CCP110: variants seen among roughly 807,000 people sequenced by gnomAD.
The protein encoded by CCP110 is centriolar coiled-coil protein of 110 kDa.
CCP110 carries 43 observed loss-of-function variants against 105.5 expected under a neutral mutation model. The observed-to-expected ratio is 0.41, with a 90% CI of 0.32 to 0.53. The LOEUF (loss-of-function observed/expected upper bound fraction) is 0.53, where lower values mean the gene tolerates loss of function less well. Among genes scored for constraint, CCP110 ranks in the 20% least tolerant of loss-of-function variants. CCP110 has a pLI of 0.32. For missense variants in CCP110, 1,016 were observed against 1,189.1 expected (o/e 0.85, Z 2.14); for synonymous variants, 353 against 392.1 (o/e 0.90, Z 1.18).
At chr16:19,539,515 G>A (rs1359243488) in intron 4 of CCP110, among the ~76,000 whole-genome samples, 1 of 151,030 alleles carries the variant, frequency 6.6e-6, no homozygotes, top group Non-Finnish European at 1.5e-5. Context: ...GCGCCACCAC[G>A]CCCAGCTGTT....
chr16:19,531,848 C>T (rs552865326), intron 2 of CCP110, among the ~76,000 whole-genome samples: 1 of 152,200 alleles, frequency 6.6e-6, no homozygotes, highest in Non-Finnish European at 1.5e-5. Context: ...CGCCTGTAAG[C>T]CCATCTACTC....
intron 2 of CCP110, among the ~76,000 whole-genome samples, chr16:19,529,915 A>G (rs1969802018): frequency 6.6e-6 from 1 of 152,106 alleles, no homozygotes; most frequent in Non-Finnish European, 1.5e-5. Flanking sequence ...TTATTGGTTG[A>G]GCATGGTGCC....
chr16:19,544,106 A>G (rs894871682), intron 8 of CCP110, among the ~76,000 whole-genome samples: 2 of 152,124 alleles, frequency 1.3e-5, no homozygotes, highest in Non-Finnish European at 2.9e-5. Flanking sequence ...GGTCCTACCA[A>G]TATGTGATGT....
intron 4 of CCP110, among the ~76,000 whole-genome samples, chr16:19,540,453 G>A (rs1016210781): frequency 2.0e-5 from 3 of 152,184 alleles, no homozygotes; most frequent in Non-Finnish European, 4.4e-5. Context: ...AGTGGGTAAA[G>A]GTGATGCAAT....
At chr16:19,547,862 A>T in intron 12 of CCP110, 93 bp from the exon 13 acceptor site, 1 of 876,916 alleles carries the variant, frequency 1.1e-6, no homozygotes, top group Non-Finnish European at 1.9e-6. Flanking sequence ...GTTGACCTTT[A>T]CCTTACAGTC....
At chr16:19,529,739 A>G (rs1479252752) in intron 2 of CCP110, among the ~76,000 whole-genome samples, 1 of 152,180 alleles carries the variant, frequency 6.6e-6, no homozygotes, top group East Asian at 1.9e-4. Flanking sequence ...ATTTTTAATA[A>G]TATCTAATAA....
At chr16:19,546,313 C>CTAAA (rs1462470537) in intron 11 of CCP110, 99 bp from the exon 12 acceptor site, 2 of 710,114 alleles carry the variant, frequency 2.8e-6, no homozygotes, top group Non-Finnish European at 4.8e-6. Flanking sequence ...ACACCAGCTT[C>CTAAA]TAAATGATGA....
intron 1 of CCP110, among the ~76,000 whole-genome samples, chr16:19,524,446 G>A (rs547355854): frequency 6.6e-6 from 1 of 152,138 alleles, no homozygotes; most frequent in South Asian, 2.1e-4. Flanking sequence ...AATTGTTTGG[G>A]CCGTTTTTCT....
chr16:19,540,234 C>G (rs992838316), intron 4 of CCP110, among the ~76,000 whole-genome samples: 1 of 152,124 alleles, frequency 6.6e-6, no homozygotes, highest in Non-Finnish European at 1.5e-5. Flanking sequence ...AGCTTTATAC[C>G]ATCAAGGAAA....
At chr16:19,528,945 G>C (rs1239326971) in intron 2 of CCP110, among the ~76,000 whole-genome samples, 2 of 151,792 alleles carry the variant, frequency 1.3e-5, no homozygotes, top group Non-Finnish European at 2.9e-5. Context: ...TATCCCAAAA[G>C]AAGGAAAAAA....
At chr16:19,537,013 A>G (rs1970090121) in exon 4 of CCP110, 1 of 1,614,238 alleles carries the variant, frequency 6.2e-7, no homozygotes, top group Non-Finnish European at 8.5e-7. Context: ...ATACATCTGA[A>G]GTCAAAGAAG....
At chr16:19,538,445 G>A (rs540643168) in intron 4 of CCP110, among the ~76,000 whole-genome samples, 267 of 151,254 alleles carry the variant, frequency 1.8e-3, no homozygotes, top group Non-Finnish European at 3.0e-3. Flanking sequence ...GAGTAGCTGG[G>A]ATTACAGGTG....
At chr16:19,537,673 G>T in intron 4 of CCP110, 86 bp downstream of exon 4, 1 of 734,476 alleles carries the variant, frequency 1.4e-6, no homozygotes, top group Non-Finnish European at 2.2e-6. Context: ...GAAAAAAGTG[G>T]TCTTTATTCA....
exon 15 of CCP110, chr16:19,553,170 T>G (rs889541093): frequency 6.6e-6 from 1 of 152,244 alleles, no homozygotes; most frequent in Non-Finnish European, 1.5e-5. Context: ...TGAGTGTTTT[T>G]AATTTAAAGA....
chr16:19,547,146 CTTGTTA>C (rs1970489687), intron 12 of CCP110: 1 of 152,218 alleles, frequency 6.6e-6, no homozygotes, highest in African/African-American at 2.4e-5. Context: ...GTGGCTCATG[CTTGTTA>C]TCCTAGCAGT....
exon 7 of CCP110, chr16:19,542,748 T>C (rs544947588): frequency 1.9e-6 from 3 of 1,613,428 alleles, no homozygotes; most frequent in Non-Finnish European, 2.5e-6. Flanking sequence ...GAGCCAAAAC[T>C]AGATGGTCTC....
intron 12 of CCP110, chr16:19,546,815 C>CAA (rs11362495): frequency 6.0e-5 from 6 of 100,152 alleles, no homozygotes; most frequent in South Asian, 6.8e-4. Flanking sequence ...AACTCTATCT[C>CAA]AAAAAAAAAA....
At chr16:19,547,673 A>G in intron 12 of CCP110, 1 of 255,120 alleles carries the variant, frequency 3.9e-6, no homozygotes, top group East Asian at 7.7e-5. Context: ...TAGCTTTTGT[A>G]AAGCATATGT....
chr16:19,525,005 C>T (rs1356453451), intron 1 of CCP110: 2 of 152,192 alleles, frequency 1.3e-5, no homozygotes, highest in Admixed American at 6.5e-5. Flanking sequence ...CCCTCTTTTA[C>T]AGAGGACGAA....
Sources: allele counts gnomAD v4.1 joint callset (sites outside exome capture counted in the v4.1 genomes callset), GRCh38; gene constraint gnomAD v4.1.1; transcripts MANE v1.5; gene names NCBI Gene and HGNC (gene_info 2026-07-23, HGNC 2026-07-21).